Variants in SLC35D1 observed in about 807,000 individuals in gnomAD.
SLC35D1 encodes the protein nucleotide sugar transporter SLC35D1.
A neutral mutation model predicts 46.7 loss-of-function variants in SLC35D1; 31 were observed. The observed-to-expected ratio is 0.66, with a 90% CI of 0.50 to 0.90. The LOEUF is 0.90. Among genes scored for constraint, SLC35D1 ranks in the 40% least tolerant of loss-of-function variants. The pLI is 0.00. For synonymous variants in SLC35D1, 195 were observed against 164.6 expected (o/e 1.18, Z -1.41); for missense variants, 397 against 426.2 (o/e 0.93, Z 0.60).
chr1:66,991,186 G>A, the SLC35D1 span, among the ~76,000 whole-genome samples: 1 of 152,114 alleles, frequency 6.6e-6, no homozygotes, highest in African/African-American at 2.4e-5. Context: ...GGGGAGCTCC[G>A]ACTCTAGGAT....
Position 67,052,975 on chromosome 1 carries a change from A to G in SLC35D1, c.218T>C (p.Leu73Pro), listed in dbSNP as rs770015065. 57 of 1,613,922 alleles carry G rather than the reference A, an allele frequency of 3.5e-5. No homozygotes were observed. Among genetic ancestry groups the G allele is most frequent in the Non-Finnish European group, 4.7e-5 (56 of 1,180,050 alleles). ...ACTAACCTGGCCAAGTCCAACACAT[A>G]GTGAGGAGGGAAATCTACAAAAAGG... ...VLTNYRFPSS[L>P]CVGLGQMVAT... The change falls in exon 2 of 12, where the codon CTA becomes CCA. Residue 73 changes from leucine to proline, a missense_variant. Leu to Pro is a moderately conservative substitution (Grantham distance 98). Transcript: ENST00000235345.
intron 8 of SLC35D1, among the ~76,000 whole-genome samples, chr1:67,037,224 T>G (rs556774496): frequency 5.3e-5 from 8 of 152,306 alleles, no homozygotes; most frequent in African/African-American, 1.9e-4. Flanking sequence ...AAGAGTAGTT[T>G]ACATACCACA....
intron 8 of SLC35D1, among the ~76,000 whole-genome samples, chr1:67,039,523 G>GTGTGTGTGTA (rs1466690847): frequency 6.6e-6 from 1 of 151,022 alleles, no homozygotes; most frequent in African/African-American, 2.4e-5. Context: ...GTGTGTGTGC[G>GTGTGTGTGTA]CGCGTGGGGG....
the SLC35D1 span, chr1:66,976,625 G>A: frequency 6.2e-7 from 1 of 1,604,322 alleles, no homozygotes; most frequent in Non-Finnish European, 8.5e-7. Flanking sequence ...TGAATGTGTA[G>A]CATTCTATTA....
chr1:67,050,180 C>G (rs935896121), intron 5 of SLC35D1, among the ~76,000 whole-genome samples: 1 of 152,032 alleles, frequency 6.6e-6, no homozygotes, highest in African/African-American at 2.4e-5. Context: ...GATTCTGATC[C>G]AGCTTCTCCC....
chr1:66,985,162 CT>C, the SLC35D1 span: 1 of 1,017,784 alleles, frequency 9.8e-7, no homozygotes, highest in East Asian at 6.5e-5. Flanking sequence ...ATTTGAATAT[CT>C]TTAGTTCATT....
At chr1:66,981,917 T>C in the SLC35D1 span, 3 of 1,613,416 alleles carry the variant, frequency 1.9e-6, no homozygotes, top group Non-Finnish European at 2.5e-6. Flanking sequence ...CTAATCAAAA[T>C]GGTAAGCAAC....
At chr1:67,019,499 C>G (rs1275754371) in intron 10 of SLC35D1, among the ~76,000 whole-genome samples, 1 of 152,178 alleles carries the variant, frequency 6.6e-6, no homozygotes, top group Non-Finnish European at 1.5e-5. Flanking sequence ...CCAATCTAGT[C>G]TCTAAACTGA....
the SLC35D1 span, chr1:66,984,757 A>C: frequency 6.2e-7 from 1 of 1,613,934 alleles, no homozygotes; most frequent in African/African-American, 1.3e-5. Context: ...AAGAAATGAA[A>C]ATGATTTTGA....
rs116199731 is a variant in SLC35D1 at position 67,034,716 on chromosome 1, C to A, written c.729+7520G>T. Among the ~76,000 whole-genome samples, 1,490 of 152,198 alleles carry A rather than the reference C, an allele frequency of 9.8e-3. 8 individuals carry two copies. The highest frequency in any genetic ancestry group is 0.015 in the Non-Finnish European group (1,051 of 67,988). ...GATTTAGCTAGGACTTCCAGTATTA[C>A]ACTGAGTAACAGTGGTGAAAGTGGG... On this transcript the variant is annotated intron_variant, in intron 8 of 11. Coordinates refer to ENST00000235345, the MANE Select transcript of SLC35D1 (RefSeq NM_015139.3).
At chr1:67,013,934 G>A (rs1002681455) in intron 10 of SLC35D1, among the ~76,000 whole-genome samples, 3 of 152,134 alleles carry the variant, frequency 2.0e-5, no homozygotes, top group Non-Finnish European at 4.4e-5. Context: ...TGCATAACCT[G>A]GTTTCATAGC....
the SLC35D1 span, chr1:66,986,543 T>G: frequency 8.3e-7 from 1 of 1,198,110 alleles, no homozygotes; most frequent in South Asian, 1.2e-5. Flanking sequence ...CACTGAGAAA[T>G]TAGCATTCAG....
intron 8 of SLC35D1, among the ~76,000 whole-genome samples, chr1:67,031,717 T>C (rs1019486808): frequency 6.6e-5 from 10 of 152,182 alleles, no homozygotes; most frequent in African/African-American, 2.4e-4. Flanking sequence ...TCTACCTATG[T>C]TATGAATGTA....
In SLC35D1 at chr1:67,001,485, G is replaced by C. The variant is rs1174250112; in HGVS notation, c.*2855C>G. ...GACTAGAAGCAGATTGGCCAAAGAG[G>C]GTCTCACTTACATTGAACAGGAGAC... On this transcript the variant is annotated 3_prime_UTR_variant, in exon 12 of 12. Coordinates refer to ENST00000235345, the MANE Select transcript of SLC35D1 (RefSeq NM_015139.3). 1 of 152,028 alleles carries C rather than the reference G, an allele frequency of 6.6e-6. No individual in the cohort carries two copies. Among genetic ancestry groups the C allele is most frequent in the Non-Finnish European group, 1.5e-5 (1 of 67,996 alleles). 9.4% of individuals were successfully genotyped at this position (152,028 alleles called of 1,614,324 possible). A position where few individuals can be genotyped will look rare whatever the true frequency, so the allele number is the denominator to read the frequency against.
At chr1:66,990,059 G>C in the SLC35D1 span, among the ~76,000 whole-genome samples, 1 of 152,118 alleles carries the variant, frequency 6.6e-6, no homozygotes, top group Non-Finnish European at 1.5e-5. Context: ...TTTTTGAAAG[G>C]TACTCCCTTA....
At chr1:66,997,428 A>G (rs574675324), downstream of SLC35D1, among the ~76,000 whole-genome samples, 1 of 149,804 alleles carries the variant, frequency 6.7e-6, no homozygotes, top group Non-Finnish European at 1.5e-5. Context: ...TCTTGAGCCC[A>G]GGAAATTGAG....
rs1469191640 is a variant in SLC35D1 at position 67,050,423 on chromosome 1, C to T, written c.464+10G>A. ...ATTTAAAGAACAGATATATTAGAAA[C>T]TTAGCTCACTTGAGTAAAACTCCTT... On this transcript the variant is annotated intron_variant, in intron 5 of 11. Transcript: ENST00000235345. 1.2e-6 allele frequency: 2 copies of T among 1,601,450 alleles called. No individual in the cohort carries two copies. The highest frequency in any genetic ancestry group is 1.7e-5 in the Admixed American group (1 of 59,938).
the SLC35D1 span, among the ~76,000 whole-genome samples, chr1:66,992,715 C>A: frequency 6.6e-6 from 1 of 152,206 alleles, no homozygotes; most frequent in Non-Finnish European, 1.5e-5. Flanking sequence ...CTTTACCCAA[C>A]TTGTCTTTGC....
At chr1:66,996,272 A>G (rs6588229), downstream of SLC35D1, among the ~76,000 whole-genome samples, 151,696 of 152,380 alleles carry the variant, frequency 1, 75,510 homozygotes, top group Middle Eastern at 1. Context: ...GGAAAAGCAT[A>G]GCTGCTTTGC....
Sources: gnomAD v4.1 joint callset for allele counts (sites outside exome capture counted in the v4.1 genomes callset) on GRCh38, gnomAD v4.1.1 for gene constraint, MANE v1.5 for transcripts, NCBI Gene and HGNC (gene_info 2026-07-23, HGNC 2026-07-21) for gene names.